Variants in ZSWIM5 observed in about 807,000 individuals in gnomAD.
ZSWIM5 encodes zinc finger SWIM domain-containing protein 5.
In ZSWIM5, 55 loss-of-function variants were observed where a neutral mutation model predicts 119.6. The observed-to-expected ratio is 0.46, with a 90% CI of 0.37 to 0.58. The LOEUF (loss-of-function observed/expected upper bound fraction) is 0.58, where lower values mean the gene tolerates loss of function less well. Ranked by LOEUF, ZSWIM5 falls within the 20% of genes least tolerant of loss-of-function variation. The probability of loss-of-function intolerance (pLI) is 0.00; values close to 1 mark genes in which losing one functional copy is unlikely to be tolerated. For synonymous variants in ZSWIM5, 537 were observed against 606.9 expected (o/e 0.88, Z 1.69); for missense variants, 1,193 against 1,512.8 (o/e 0.79, Z 3.51).
rs376866321 is a variant in ZSWIM5, at chr1:45,206,243, C to T, written c.108G>A (p.Ser36=). The stretch of plus-strand genomic sequence containing the variant: ...CTGCCCCTCCGCCGGCTGCCCCAGG[C>T]GAACCGCGAGGGTGATGAGCCTGCG... The part of the protein sequence containing the change: ...PSPQAHHPRG[S]PGAAGGGAGG... The change falls in exon 1 of 14, where the codon TCG becomes TCA. Residue 36 remains serine (S), a synonymous_variant. Transcript: ENST00000359600. 2 of 1,584,550 alleles carry T rather than the reference C, an allele frequency of 1.3e-6. No individual in the cohort carries two copies. The highest frequency in any genetic ancestry group is 1.7e-6 in the Non-Finnish European group (2 of 1,166,826).
In ZSWIM5 at chr1:45,064,025, C is replaced by A. The variant is rs183698422; in HGVS notation, c.953-3778G>T. ...ATCATAAAATTAGTGTACAGAGAGG[C>A]TAACACTGCTGAGGTTCATGTATTG... On this transcript the variant is annotated intron_variant, in intron 2 of 13. Coordinates refer to ENST00000359600, the MANE Select transcript of ZSWIM5 (RefSeq NM_020883.2). Among the ~76,000 whole-genome samples, 23 of 152,000 alleles carry A rather than the reference C, an allele frequency of 1.5e-4. No individual in the cohort carries two copies. The East Asian group carries it at 4.4e-3, about 29-fold the overall frequency.
rs1298568428 is a variant in ZSWIM5 at position 45,027,819 on chromosome 1, T to C, written c.2449+6493A>G. 2.0e-5 allele frequency among the ~76,000 whole-genome samples: 3 copies of C among 152,164 alleles called. No individual in the cohort carries two copies. The East Asian group carries it at 5.8e-4, about 29-fold the overall frequency. ...TCAGCCTCCCAAGCCACTGGGATTA[T>C]GGGTGTGAGCCACCATGTCTGGCTC... On this transcript the variant is annotated intron_variant, in intron 11 of 13. Coordinates refer to ENST00000359600, the MANE Select transcript of ZSWIM5 (RefSeq NM_020883.2).
At chr1:45,149,560 C>T (rs537178078) in intron 1 of ZSWIM5, among the ~76,000 whole-genome samples, 17 of 152,226 alleles carry the variant, frequency 1.1e-4, no homozygotes, top group Non-Finnish European at 1.9e-4. Flanking sequence ...TTAAAACCTT[C>T]CTAACAAAAT....
rs766269247 is a variant in ZSWIM5 at position 45,088,591 on chromosome 1, T to C, written c.596-354A>G. Among the ~76,000 whole-genome samples, 1 of 152,168 alleles carries C rather than the reference T, an allele frequency of 6.6e-6. No homozygotes were observed. The highest frequency in any genetic ancestry group is 1.5e-5 in the Non-Finnish European group (1 of 68,028). On this transcript the variant is annotated intron_variant, in intron 1 of 13. Coordinates refer to ENST00000359600, the MANE Select transcript of ZSWIM5 (RefSeq NM_020883.2). This position sits in a 1 kb window ranked among gnomAD's most constrained non-coding sequence, Gnocchi z 4.2. ...ATCCTAAATAAGTTAAGGACCCCTG[T>C]AGTAGATTTTCAGCTCTAGGTGGTA...
chr1:45,040,574 A>G (rs1295048990), intron 6 of ZSWIM5, 36 bp from the exon 7 acceptor site: 8 of 1,547,984 alleles, frequency 5.2e-6, no homozygotes, highest in Non-Finnish European at 6.9e-6. Flanking sequence ...GGTCTAGTTA[A>G]AATTTCAAGT....
intron 1 of ZSWIM5, among the ~76,000 whole-genome samples, chr1:45,092,379 C>T (rs894055828): frequency 5.9e-5 from 9 of 152,112 alleles, no homozygotes; most frequent in African/African-American, 2.2e-4. Context: ...TCACTGCAAC[C>T]TCCACCCTCC....
chr1:45,188,342 C>CA (rs1381808320), intron 1 of ZSWIM5, among the ~76,000 whole-genome samples: 35 of 152,228 alleles, frequency 2.3e-4, no homozygotes, highest in African/African-American at 7.9e-4. Flanking sequence ...AAGCCAGTCA[C>CA]AAAAGACTAC....
intron 1 of ZSWIM5, among the ~76,000 whole-genome samples, chr1:45,197,793 A>T (rs909137652): frequency 7.2e-5 from 11 of 152,246 alleles, no homozygotes; most frequent in Non-Finnish European, 1.5e-4. Flanking sequence ...AAAGGATAAG[A>T]CATTAGTTTG....
intron 1 of ZSWIM5, among the ~76,000 whole-genome samples, chr1:45,124,484 TATAG>T (rs1188610380): frequency 2.6e-5 from 4 of 152,012 alleles, no homozygotes; most frequent in Non-Finnish European, 5.9e-5. Flanking sequence ...CTACAAATGC[TATAG>T]ATAGATCAAA....
intron 1 of ZSWIM5, among the ~76,000 whole-genome samples, chr1:45,185,447 A>G (rs1646052013): frequency 1.3e-5 from 2 of 152,012 alleles, no homozygotes; most frequent in Admixed American, 6.6e-5. Context: ...AGAAACTACG[A>G]TCAGAGTGAA....
intron 1 of ZSWIM5, among the ~76,000 whole-genome samples, chr1:45,113,894 C>A (rs1645531880): frequency 1.3e-5 from 2 of 152,182 alleles, no homozygotes; most frequent in Admixed American, 1.3e-4. Flanking sequence ...CCATCCTGAT[C>A]ACTTAATGTT....
At chr1:45,141,903 A>G (rs1402837076) in intron 1 of ZSWIM5, among the ~76,000 whole-genome samples, 1 of 152,124 alleles carries the variant, frequency 6.6e-6, no homozygotes, top group Non-Finnish European at 1.5e-5. Flanking sequence ...TTTTATTATG[A>G]CATAATATTC....
Position 45,038,956 on chromosome 1 carries a change from T to C in ZSWIM5, c.1874A>G (p.Asp625Gly). ...TLTEACRLND[D>G]GYLEMSDMNE... is the part of the protein sequence containing the mutation. ...TGTACCTGACATCTCCAGATAGCCA[T>C]CATCATTCAGGCGGCAGGCCTCAGT... is the stretch of plus-strand genomic sequence containing the variant. Residue 625 changes from aspartate (D) to glycine (G), a missense_variant, in exon 8 of 14, where the codon GAT becomes GGT. This residue lies in a region of ZSWIM5 where 961 missense variants were observed against 1,290.0 expected (regional missense o/e 0.74). Coordinates refer to ENST00000359600, the MANE Select transcript of ZSWIM5 (RefSeq NM_020883.2). 6.2e-7 allele frequency: 1 copy of C among 1,613,856 alleles called. No homozygotes were observed. The highest frequency in any genetic ancestry group is 8.5e-7 in the Non-Finnish European group (1 of 1,179,996).
At chr1:45,125,116 C>T (rs141573302) in intron 1 of ZSWIM5, among the ~76,000 whole-genome samples, 105 of 151,920 alleles carry the variant, frequency 6.9e-4, no homozygotes, top group Middle Eastern at 3.4e-3. Flanking sequence ...AACATCTCCT[C>T]CAGCAAAGCA....
At chr1:45,055,248 C>G (rs566811641) in intron 4 of ZSWIM5, among the ~76,000 whole-genome samples, 1 of 152,272 alleles carries the variant, frequency 6.6e-6, no homozygotes, top group Admixed American at 6.5e-5. Context: ...CCTTGGCCTC[C>G]CAAAGTGCTG....
intron 1 of ZSWIM5, among the ~76,000 whole-genome samples, chr1:45,186,675 G>A (rs1240368565): frequency 1.3e-5 from 2 of 151,888 alleles, no homozygotes; most frequent in African/African-American, 2.4e-5. Context: ...GCATGATCTC[G>A]GCTCACTGCA....
At chr1:45,098,615 G>A (rs574007798) in intron 1 of ZSWIM5, among the ~76,000 whole-genome samples, 13 of 151,976 alleles carry the variant, frequency 8.6e-5, no homozygotes, top group Non-Finnish European at 1.6e-4. Flanking sequence ...GCACCACATC[G>A]CACTTATTCC....
intron 4 of ZSWIM5, among the ~76,000 whole-genome samples, chr1:45,053,118 C>T (rs1457495063): frequency 2.5e-5 from 3 of 118,026 alleles, no homozygotes; most frequent in South Asian, 3.2e-4. Context: ...AGTGAAACTC[C>T]GTCTCAAACA....
intron 2 of ZSWIM5, among the ~76,000 whole-genome samples, chr1:45,082,340 A>G (rs955937363): frequency 6.6e-6 from 1 of 151,844 alleles, no homozygotes; most frequent in African/African-American, 2.4e-5. Flanking sequence ...AAAAAAAGAA[A>G]AAAAAAAAAG....
Sources: gnomAD v4.1 joint callset for allele counts (sites outside exome capture counted in the v4.1 genomes callset) on GRCh38, gnomAD v4.1.1 for gene constraint, gnomAD v4.1.1 regional missense constraint, Gnocchi (gnomAD v3.1) non-coding constraint, MANE v1.5 for transcripts, NCBI Gene and HGNC (gene_info 2026-07-23, HGNC 2026-07-21) for gene names.